MAD1L1: variants seen among roughly 807,000 people sequenced by gnomAD.
The protein encoded by MAD1L1 is mitotic arrest deficient 1 like 1.
In MAD1L1, 95 loss-of-function variants were observed where a neutral mutation model predicts 96.9. That is an observed-to-expected ratio of 0.98 (90% confidence interval 0.83 to 1.16). The LOEUF is 1.16. Among genes scored for constraint, MAD1L1 ranks in the 50% most tolerant of loss-of-function variants. The pLI is 0.00. For missense variants in MAD1L1, 1,007 were observed against 954.4 expected (o/e 1.06, Z -0.73); for synonymous variants, 473 against 396.6 (o/e 1.19, Z -2.29).
chr7:1,975,011 G>C (rs1186912636), intron 15 of MAD1L1, among the ~76,000 whole-genome samples: 1 of 152,238 alleles, frequency 6.6e-6, no homozygotes, highest in Non-Finnish European at 1.5e-5. Flanking sequence ...ACCACCTGCA[G>C]AGCCCAGGCG....
chr7:1,844,524 C>A (rs925072774), intron 18 of MAD1L1, among the ~76,000 whole-genome samples: 1 of 152,114 alleles, frequency 6.6e-6, no homozygotes, highest in Non-Finnish European at 1.5e-5. Flanking sequence ...GGGGCAGAGG[C>A]GGCCCAGGGA....
intron 18 of MAD1L1, chr7:1,844,391 G>C (rs976759061): frequency 6.6e-6 from 1 of 152,422 alleles, no homozygotes; most frequent in Non-Finnish European, 1.5e-5. Flanking sequence ...TCCAGGCTGG[G>C]GGGAGACCTG....
chr7:1,975,278 G>A (rs1034714463), intron 15 of MAD1L1, among the ~76,000 whole-genome samples: 4 of 152,212 alleles, frequency 2.6e-5, no homozygotes, highest in Non-Finnish European at 5.9e-5. Flanking sequence ...TCGGGGCCAC[G>A]CCTTCCCACC....
intron 17 of MAD1L1, among the ~76,000 whole-genome samples, chr7:1,921,996 A>T (rs1466296040): frequency 6.6e-6 from 1 of 152,274 alleles, no homozygotes; most frequent in Admixed American, 6.5e-5. Flanking sequence ...TTAACAGATA[A>T]GAGAGAACCT....
intron 18 of MAD1L1, among the ~76,000 whole-genome samples, chr7:1,864,858 C>T (rs1784706663): frequency 6.6e-6 from 1 of 152,220 alleles, no homozygotes; most frequent in African/African-American, 2.4e-5. Flanking sequence ...CGACTTCTGC[C>T]AGGAGTGGAT....
chr7:1,891,541 T>C (rs146258829), intron 18 of MAD1L1, among the ~76,000 whole-genome samples: 10 of 77,746 alleles, frequency 1.3e-4, no homozygotes, highest in East Asian at 6.7e-4. Context: ...ATAAATAAAA[T>C]TAAAAAGTTT....
chr7:2,107,906 G>A (rs1168868882), intron 11 of MAD1L1, among the ~76,000 whole-genome samples: 1 of 152,050 alleles, frequency 6.6e-6, no homozygotes, highest in Non-Finnish European at 1.5e-5. Flanking sequence ...CATGTCGCTG[G>A]ACTGTGTCCC....
chr7:1,984,963 G>A (rs566743408), intron 14 of MAD1L1, among the ~76,000 whole-genome samples: 1 of 152,284 alleles, frequency 6.6e-6, no homozygotes, highest in Admixed American at 6.5e-5. Context: ...ACTCAGCTTT[G>A]TTTCACACCG....
chr7:2,037,806 G>A (rs1783506358), intron 12 of MAD1L1, among the ~76,000 whole-genome samples: 1 of 151,920 alleles, frequency 6.6e-6, no homozygotes, highest in African/African-American at 2.4e-5. Flanking sequence ...CTATTCCCTG[G>A]GCGACACAAC....
chr7:1,969,647 T>TCAATAAA (rs1780320068), intron 15 of MAD1L1, among the ~76,000 whole-genome samples: 1 of 152,162 alleles, frequency 6.6e-6, no homozygotes, highest in African/African-American at 2.4e-5. Context: ...CCTGTTCTAG[T>TCAATAAA]CAATAAACAA....
chr7:2,110,164 C>T (rs1787305333), intron 11 of MAD1L1, among the ~76,000 whole-genome samples: 1 of 152,268 alleles, frequency 6.6e-6, no homozygotes, highest in African/African-American at 2.4e-5. Context: ...CACAGATGTC[C>T]AGATGGCAGC....
chr7:2,055,596 C>T (rs995721082), intron 12 of MAD1L1, among the ~76,000 whole-genome samples: 9 of 143,744 alleles, frequency 6.3e-5, no homozygotes, highest in East Asian at 2.1e-4. Context: ...CCGGAGCCTG[C>T]GATGTCGAGG....
chr7:1,937,436 A>C (rs755893712), intron 16 of MAD1L1, among the ~76,000 whole-genome samples: 7 of 152,200 alleles, frequency 4.6e-5, no homozygotes, highest in Non-Finnish European at 2.9e-5. Context: ...TTCCCACGAA[A>C]CCCAGGGCCG....
intron 18 of MAD1L1, among the ~76,000 whole-genome samples, chr7:1,836,803 TA>T (rs943621124): frequency 4.7e-5 from 7 of 150,504 alleles, no homozygotes; most frequent in African/African-American, 1.7e-4. Flanking sequence ...TTGCACCATA[TA>T]AAAAAAAACT....
chr7:1,827,071 G>C (rs1782431012), intron 18 of MAD1L1, among the ~76,000 whole-genome samples: 1 of 152,262 alleles, frequency 6.6e-6, no homozygotes, highest in Non-Finnish European at 1.5e-5. Flanking sequence ...AGCCGAGGGA[G>C]TGGGGGCGCC....
At chr7:2,194,747 T>G (rs896741722) in intron 10 of MAD1L1, among the ~76,000 whole-genome samples, 2 of 152,038 alleles carry the variant, frequency 1.3e-5, no homozygotes, top group African/African-American at 4.8e-5. Context: ...GCATACTAAA[T>G]GATGAAACAA....
At chr7:2,081,725 G>A (rs550944100) in intron 11 of MAD1L1, among the ~76,000 whole-genome samples, 55 of 152,258 alleles carry the variant, frequency 3.6e-4, no homozygotes, top group Non-Finnish European at 7.3e-4. Context: ...GCCCAGGCCC[G>A]GCGGAGGGGG....
At chr7:1,858,677 G>A (rs1016198240) in intron 18 of MAD1L1, among the ~76,000 whole-genome samples, 2 of 152,358 alleles carry the variant, frequency 1.3e-5, no homozygotes, top group South Asian at 2.1e-4. Context: ...GAGAACATGC[G>A]CAGGGCACAT....
At chr7:1,941,009 T>TCCTCTCCCAGGCCTCAGCCTCCTCTC in intron 16 of MAD1L1, among the ~76,000 whole-genome samples, 2 of 151,946 alleles carry the variant, frequency 1.3e-5, no homozygotes, top group Admixed American at 6.6e-5. Flanking sequence ...AGCCTCCTCT[T>TCCTCTCCCAGGCCTCAGCCTCCTCTC]CCTCCCCAGG....
Sources: gnomAD v4.1 joint callset for allele counts (sites outside exome capture counted in the v4.1 genomes callset) on GRCh38, gnomAD v4.1.1 for gene constraint, MANE v1.5 for transcripts, NCBI Gene and HGNC (gene_info 2026-07-23, HGNC 2026-07-21) for gene names.